The following WSCD2 variants were observed in gnomAD, a reference collection of about 807,000 sequenced individuals.
The protein encoded by WSCD2 is WSC domain sialate O sulfotransferase 2, also known as sialate:O-sulfotransferase 2.
In WSCD2, 28 loss-of-function variants were observed where a neutral mutation model predicts 55.7. The ratio of observed to expected loss-of-function variants is 0.50; its 90% confidence interval spans 0.37 to 0.69. WSCD2 has a LOEUF of 0.69. Among genes scored for constraint, WSCD2 ranks in the 30% least tolerant of loss-of-function variants. The pLI, the probability that WSCD2 is intolerant of heterozygous loss-of-function variation, is 0.00. For missense variants in WSCD2, 616 were observed against 762.1 expected (o/e 0.81, Z 2.26); for synonymous variants, 301 against 301.9 (o/e 1.00, Z 0.03).
At chr12:108,213,655 C>T (rs551521619) in intron 4 of WSCD2, among the ~76,000 whole-genome samples, 1 of 152,240 alleles carries the variant, frequency 6.6e-6, no homozygotes, top group East Asian at 1.9e-4. Flanking sequence ...AATCACCAAG[C>T]AGTGGGAGAG....
chr12:108,245,119 T>C (rs770360932), intron 8 of WSCD2, among the ~76,000 whole-genome samples: 12 of 152,202 alleles, frequency 7.9e-5, no homozygotes, highest in Non-Finnish European at 1.6e-4. Flanking sequence ...CTGAATTGAA[T>C]GGTACTTCTA....
At chr12:108,192,050 A>G (rs1365309) in intron 1 of WSCD2, among the ~76,000 whole-genome samples, 113,670 of 152,150 alleles carry the variant, frequency 0.75, 43,646 homozygotes, top group East Asian at 0.9. Flanking sequence ...CTAGACCCAG[A>G]AATATCCTGA....
intron 1 of WSCD2, among the ~76,000 whole-genome samples, chr12:108,178,098 A>G (rs759963086): frequency 4.6e-5 from 7 of 152,172 alleles, no homozygotes; most frequent in Non-Finnish European, 7.3e-5. Context: ...ACTAAAATTT[A>G]TTATCTCACA....
intron 4 of WSCD2, among the ~76,000 whole-genome samples, chr12:108,218,665 T>G (rs929842617): frequency 6.6e-6 from 1 of 152,310 alleles, no homozygotes. Context: ...TCTTAGAGGA[T>G]GCAAGGGTGA....
rs1386626560 is a variant in WSCD2 at position 108,210,242 on chromosome 12, T to A, written c.619T>A (p.Cys207Ser). 6.2e-7 allele frequency: 1 copy of A among 1,603,322 alleles called. No homozygotes were observed. Among genetic ancestry groups the A allele is most frequent in the Non-Finnish European group, 8.5e-7 (1 of 1,173,036 alleles). The change falls in exon 4 of 9, where the codon TGC becomes AGC. Residue 207 changes from cysteine (C) to serine (S), a missense_variant. Physicochemically the swap from Cys to Ser is moderately radical, Grantham distance 112. Transcript: ENST00000547525. This position sits in a 1 kb window ranked among gnomAD's most constrained non-coding sequence, Gnocchi z 4.3. ...MECKGERGSVCGGANRLSVYR... is the reference protein window; with the variant it reads ...MECKGERGSVSGGANRLSVYR... ...GTGCAAGGGCGAGCGAGGCAGCGTG[T>A]GCGGCGGCGCCAACCGCCTCTCTGT...
intron 1 of WSCD2, among the ~76,000 whole-genome samples, chr12:108,187,823 C>T (rs1229675275): frequency 6.6e-6 from 1 of 152,126 alleles, no homozygotes; most frequent in Non-Finnish European, 1.5e-5. Flanking sequence ...ACACAGCCAC[C>T]ACCGCCCTGA....
chr12:108,204,690 T>G lies in WSCD2; in HGVS notation c.383-1599T>G, dbSNP rs41314121. On this transcript the variant is annotated intron_variant, in intron 2 of 8. Transcript: ENST00000547525. ...GATGATGCTTCTTTTAAAGATGGAC[T>G]GTTCTTAGTCCAGCAAATCACCTCT... is the stretch of plus-strand genomic sequence containing the variant. Among the ~76,000 whole-genome samples, 18 of 152,362 alleles carry G rather than the reference T, an allele frequency of 1.2e-4. No individual in the cohort carries two copies. The East Asian group carries it at 2.9e-3, about 24-fold the overall frequency.
At chr12:108,245,772 TACTC>T (rs2137248361) in intron 8 of WSCD2, among the ~76,000 whole-genome samples, 1 of 152,340 alleles carries the variant, frequency 6.6e-6, no homozygotes, top group South Asian at 2.1e-4. Context: ...TTTTCCTAAT[TACTC>T]AGATACATCT....
chr12:108,152,003 AG>A (rs1334642207), intron 1 of WSCD2, among the ~76,000 whole-genome samples: 1 of 152,156 alleles, frequency 6.6e-6, no homozygotes, highest in Non-Finnish European at 1.5e-5. Context: ...TCTCCTTCCA[AG>A]GGCGGCGTCG....
intron 8 of WSCD2, 58 bp downstream of exon 8, chr12:108,240,602 T>C (rs1316039047): frequency 6.2e-5 from 5 of 80,776 alleles, no homozygotes; most frequent in Non-Finnish European, 9.1e-5. Flanking sequence ...CAGGGGGCGG[T>C]GGGAGGGTCC....
rs1555224800 is a variant in WSCD2, at chr12:108,164,139, C to CTTTTTTTTTTTTTTTTTTTTT, written c.-551-31140_-551-31120dup. Among the ~76,000 whole-genome samples, 3 of 85,304 alleles carry CTTTTTTTTTTTTTTTTTTTTT rather than the reference C, an allele frequency of 3.5e-5. 1 individual carries two copies. Among genetic ancestry groups the CTTTTTTTTTTTTTTTTTTTTT allele is most frequent in the Non-Finnish European group, 6.5e-5 (3 of 46,386 alleles). 56.0% of individuals were successfully genotyped at this position (85,304 alleles called of 152,430 possible). A position where few individuals can be genotyped will look rare whatever the true frequency, so the allele number is the denominator to read the frequency against. On this transcript the variant is annotated intron_variant, in intron 1 of 8. Coordinates refer to ENST00000547525, the MANE Select transcript of WSCD2 (RefSeq NM_014653.4). ...TTATACTGTTGTTTAATCTTAAATCCTTTTTTTTTTTTTTTTTTTTTTTCA... is the reference window on the plus strand; with the variant it reads ...TTATACTGTTGTTTAATCTTAAATCCTTTTTTTTTTTTTTTTTTTTTTTTTTTTTTTTTTTTTTTTTTTTCA...
intron 4 of WSCD2, among the ~76,000 whole-genome samples, chr12:108,213,793 A>G (rs922837026): frequency 6.6e-6 from 1 of 152,184 alleles, no homozygotes; most frequent in Non-Finnish European, 1.5e-5. Flanking sequence ...AGGTCCATGA[A>G]TCCCAGTTAG....
At position 108,156,402 on chromosome 12, in the gene WSCD2, A is replaced by G. The variant is rs58377131; in HGVS notation, c.-552+26476A>G. 3.6e-3 allele frequency among the ~76,000 whole-genome samples: 542 copies of G among 152,328 alleles called. 4 individuals are homozygous for G. Among genetic ancestry groups the G allele is most frequent in the African/African-American group, 0.012 (508 of 41,574 alleles). On this transcript the variant is annotated intron_variant, in intron 1 of 8. Transcript: ENST00000547525. ...TCAATAGTAGCAGTTATAACTTTCT[A>G]AAAGAATATCCATGTACTGGCTGGT...
chr12:108,225,506 C>G (rs1477803847), intron 5 of WSCD2, among the ~76,000 whole-genome samples: 1 of 152,118 alleles, frequency 6.6e-6, no homozygotes, highest in Non-Finnish European at 1.5e-5. Context: ...GGCCTAGAAG[C>G]ATGAAAAAAT....
chr12:108,219,099 A>T (rs1043787634), intron 4 of WSCD2, among the ~76,000 whole-genome samples: 4 of 152,156 alleles, frequency 2.6e-5, no homozygotes, highest in African/African-American at 9.7e-5. Context: ...CTAGAAGAGG[A>T]GCCCTCTTCT....
At chr12:108,202,577 T>C (rs1029212618) in intron 2 of WSCD2, among the ~76,000 whole-genome samples, 6 of 152,138 alleles carry the variant, frequency 3.9e-5, no homozygotes, top group East Asian at 3.9e-4. Context: ...CTGAAGGCCA[T>C]TATTCTTAGC....
chr12:108,137,844 T>C (rs1178407546), intron 1 of WSCD2, among the ~76,000 whole-genome samples: 1 of 152,254 alleles, frequency 6.6e-6, no homozygotes, highest in Non-Finnish European at 1.5e-5. Context: ...CTCTTCATTT[T>C]TCACAATGTT....
chr12:108,129,354 G>A lies in WSCD2; in HGVS notation c.-1124G>A, dbSNP rs1273942325. 6.5e-6 allele frequency: 1 copy of A among 152,812 alleles called. No individual in the cohort carries two copies. The highest frequency in any genetic ancestry group is 1.9e-4 in the East Asian group (1 of 5,186). The allele number at this position is 152,812 out of a possible 1,614,324, so 9.5% of individuals were successfully genotyped here. On this transcript the variant is annotated 5_prime_UTR_variant, in exon 1 of 9. Transcript: ENST00000547525. ...CTAGGGCTGGAGACGTGAAGTCCAG[G>A]GGAGCGAGCAAGGCAGCCAAGGAGG... is the stretch of plus-strand genomic sequence containing the variant.
rs758161612 is a variant in WSCD2 at position 108,240,370 on chromosome 12, C to T, written c.1171C>T (p.Arg391Cys). ...KGFKGERDHW[R>C]SGRTICIKTH... Reference sequence around the variant, plus strand: ...GTTTAAAGGTGAGCGGGACCACTGGCGCAGCGGACGGACCATCTGCATCAA... The same window carrying T: ...GTTTAAAGGTGAGCGGGACCACTGGTGCAGCGGACGGACCATCTGCATCAA... Residue 391 changes from arginine to cysteine, a missense_variant, in exon 8 of 9, where the codon CGC becomes TGC. By Grantham distance (180) the Arg-to-Cys change is radical (BLOSUM62 -3). Coordinates refer to ENST00000547525, the MANE Select transcript of WSCD2 (RefSeq NM_014653.4). 1.2e-5 allele frequency: 20 copies of T among 1,613,970 alleles called. No individual in the cohort carries two copies. The highest frequency in any genetic ancestry group is 4.5e-5 in the East Asian group (2 of 44,888).
Sources: gnomAD v4.1 joint callset for allele counts (sites outside exome capture counted in the v4.1 genomes callset) on GRCh38, gnomAD v4.1.1 for gene constraint, Gnocchi (gnomAD v3.1) non-coding constraint, MANE v1.5 for transcripts, NCBI Gene and HGNC (gene_info 2026-07-23, HGNC 2026-07-21) for gene names.